The following FRMPD4 variants were observed in gnomAD, a reference collection of about 807,000 sequenced individuals.
The protein encoded by FRMPD4 is FERM and PDZ domain containing 4.
In FRMPD4, 22 loss-of-function variants were observed where a neutral mutation model predicts 94.1. The observed-to-expected ratio is 0.23, with a 90% CI of 0.17 to 0.33. The LOEUF is 0.33. Among genes scored for constraint, FRMPD4 ranks in the 10% least tolerant of loss-of-function variants. The probability of loss-of-function intolerance (pLI) is 1.00; values close to 1 mark genes in which losing one functional copy is unlikely to be tolerated. For synonymous variants in FRMPD4, 631 were observed against 548.6 expected (o/e 1.15, Z -2.10); for missense variants, 1,111 against 1,339.9 (o/e 0.83, Z 2.67).
At chrX:12,679,068 C>T (rs184589840) in intron 5 of FRMPD4, among the ~76,000 whole-genome samples, 2 of 112,424 alleles carry the variant, frequency 1.8e-5, no homozygotes, top group East Asian at 5.6e-4. Context: ...CCCAGTGTAG[C>T]ACATTCTATC....
At chrX:12,150,423 C>T (rs2055832077) in intron 1 of FRMPD4, among the ~76,000 whole-genome samples, 1 of 111,892 alleles carries the variant, frequency 8.9e-6, no homozygotes. Context: ...TATCTGGGCC[C>T]ATATCCTCTC....
intron 3 of FRMPD4, among the ~76,000 whole-genome samples, chrX:12,027,538 T>G (rs1487691991): frequency 6.3e-5 from 7 of 111,880 alleles, no homozygotes; most frequent in Non-Finnish European, 1.3e-4. Context: ...AAGTCAATAC[T>G]CATTCTTCAG....
chrX:11,920,329 T>G (rs1160496755), intron 3 of FRMPD4, among the ~76,000 whole-genome samples: 2 of 112,291 alleles, frequency 1.8e-5, no homozygotes, highest in African/African-American at 6.5e-5. Context: ...AGTGGCCCTA[T>G]TAAATAAATG....
intron 1 of FRMPD4, among the ~76,000 whole-genome samples, chrX:12,449,197 A>C (rs1286239375): frequency 8.9e-6 from 1 of 112,206 alleles, no homozygotes; most frequent in East Asian, 2.8e-4. Flanking sequence ...GGATAAACAA[A>C]TACTGGATTT....
In FRMPD4 at chrX:12,721,506, T is replaced by C. The variant is rs2042239624; in HGVS notation, c.4937T>C (p.Leu1646Ser). 1 of 755,299 alleles carries C rather than the reference T, an allele frequency of 1.3e-6. No homozygotes were observed. The highest frequency in any genetic ancestry group is 2.3e-5 in the African/African-American group (1 of 43,782). The allele number at this position is 755,299 out of a possible 1,213,427, so 62.2% of individuals were successfully genotyped here. The change falls in exon 17 of 17, where the codon TTA (leucine) becomes TCA (serine). Residue 1646 changes from leucine (L) to serine (S), a missense_variant. Leu to Ser is a moderately radical substitution (Grantham distance 145, BLOSUM62 -2). Coordinates refer to ENST00000675598, the MANE Select transcript of FRMPD4 (RefSeq NM_001368397.1). ...ACACTTTCTCAGTACAAGCAACTGT[T>C]ATCCATTGAGTCCAGACAGTTGGGA... ...DLTLSQYKQLLSIESRQLGSA... is the reference protein window; with the variant it reads ...DLTLSQYKQLSSIESRQLGSA...
intron 1 of FRMPD4, among the ~76,000 whole-genome samples, chrX:11,840,645 T>G (rs1400670534): frequency 9.1e-6 from 1 of 110,235 alleles, no homozygotes; most frequent in African/African-American, 3.3e-5. Flanking sequence ...TGTTAAAACT[T>G]TCAGTCTCTA....
At position 12,553,460 on chromosome X, in the gene FRMPD4, A is replaced by ATATATG. The variant is rs1555983267; in HGVS notation, c.158+54669_158+54670insGTATAT. On this transcript the variant is annotated intron_variant, in intron 2 of 16. Transcript: ENST00000675598. ...TATATATATATATATATATATATAT[A>ATATATG]TATATATCTAATCCACTAATTTATT... Among the ~76,000 whole-genome samples the ATATATG allele has an allele frequency of 5.1e-3, 412 of 81,523 alleles. 12 individuals carry two copies. Among genetic ancestry groups the ATATATG allele is most frequent in the African/African-American group, 0.014 (276 of 19,992 alleles). 70.8% of individuals were successfully genotyped at this position (81,523 alleles called of 115,157 possible). A position where few individuals can be genotyped will look rare whatever the true frequency, so the allele number is the denominator to read the frequency against.
At chrX:12,481,966 A>AAAAAAAAAAAAAAAAAAAAAG (rs2057691005) in intron 1 of FRMPD4, among the ~76,000 whole-genome samples, 1 of 100,044 alleles carries the variant, frequency 1.0e-5, no homozygotes, top group Non-Finnish European at 2.0e-5. Context: ...AAAAAAAAAA[A>AAAAAAAAAAAAAAAAAAAAAG]AAAAAGAAAG....
chrX:12,057,721 A>T (rs761783226), intron 3 of FRMPD4, among the ~76,000 whole-genome samples: 22 of 111,396 alleles, frequency 2.0e-4, no homozygotes, highest in Non-Finnish European at 4.1e-4. Context: ...CCTGGGGATC[A>T]CCTTAGAATT....
At chrX:12,253,131 T>C (rs1269720192) in intron 1 of FRMPD4, among the ~76,000 whole-genome samples, 1 of 111,980 alleles carries the variant, frequency 8.9e-6, no homozygotes, top group Non-Finnish European at 1.9e-5. Flanking sequence ...AAATGTTTTT[T>C]GAATACTGGG....
At chrX:12,566,589 A>G (rs1273810595) in intron 2 of FRMPD4, among the ~76,000 whole-genome samples, 2 of 112,428 alleles carry the variant, frequency 1.8e-5, no homozygotes, top group Non-Finnish European at 3.8e-5. Context: ...CATTGTCCCC[A>G]TGTAATTTAA....
rs770083769 is a variant in FRMPD4, at chrX:12,243,602, C to G, written c.41+104590C>G. Reference sequence around the variant, plus strand: ...TTTTATTCACAAAACTGAAGATGCTCTTGTCATTATATAGCATACTAAAGG... The same window carrying G: ...TTTTATTCACAAAACTGAAGATGCTGTTGTCATTATATAGCATACTAAAGG... On this transcript the variant is annotated intron_variant, in intron 1 of 16. Coordinates refer to ENST00000675598, the MANE Select transcript of FRMPD4 (RefSeq NM_001368397.1). Among the ~76,000 whole-genome samples, 15 of 108,725 alleles carry G rather than the reference C, an allele frequency of 1.4e-4. No individual in the cohort carries two copies. The South Asian group carries it at 5.8e-3, about 42-fold the overall frequency. The allele number at this position is 108,725 out of a possible 115,157, so 94.4% of individuals were successfully genotyped here. A position where few individuals can be genotyped will look rare whatever the true frequency, so the allele number is the denominator to read the frequency against.
upstream of FRMPD4, among the ~76,000 whole-genome samples, chrX:12,134,604 C>A (rs1322034177): frequency 8.9e-6 from 1 of 111,997 alleles, no homozygotes; most frequent in Non-Finnish European, 1.9e-5. Flanking sequence ...ATTCCTAACA[C>A]CAGCTTTAGA....
chrX:12,039,790 A>T (rs1246966432), intron 3 of FRMPD4, among the ~76,000 whole-genome samples: 1 of 108,935 alleles, frequency 9.2e-6, no homozygotes, highest in African/African-American at 3.3e-5. Context: ...ACCAACGTGG[A>T]GAAACCCCAT....
intron 1 of FRMPD4, among the ~76,000 whole-genome samples, chrX:12,214,951 ATAAAT>A (rs1462032596): frequency 8.9e-6 from 1 of 112,047 alleles, no homozygotes; most frequent in East Asian, 2.8e-4. Context: ...GTAATTATAC[ATAAAT>A]TAATATTTTA....
chrX:11,843,822 G>A (rs1031415400), intron 1 of FRMPD4, among the ~76,000 whole-genome samples: 1 of 110,697 alleles, frequency 9.0e-6, no homozygotes, highest in Non-Finnish European at 1.9e-5. Context: ...AAGCACTTGG[G>A]ATTTCAGGCA....
intron 2 of FRMPD4, among the ~76,000 whole-genome samples, chrX:12,502,602 G>T (rs976188875): frequency 4.5e-5 from 5 of 111,749 alleles, no homozygotes. Context: ...TTAGATGTAG[G>T]TATAGATGGA....
At chrX:12,039,365 T>C (rs2054739069) in intron 3 of FRMPD4, among the ~76,000 whole-genome samples, 1 of 110,092 alleles carries the variant, frequency 9.1e-6, no homozygotes, top group Non-Finnish European at 1.9e-5. Flanking sequence ...GAGATTTTTA[T>C]TTTTTTAATA....
intron 1 of FRMPD4, among the ~76,000 whole-genome samples, chrX:12,218,566 A>T (rs1482414015): frequency 8.9e-6 from 1 of 112,353 alleles, no homozygotes; most frequent in African/African-American, 3.2e-5. Flanking sequence ...ATTTTTCTCT[A>T]CTTCTAGCAT....
Sources: allele counts gnomAD v4.1 joint callset (sites outside exome capture counted in the v4.1 genomes callset), GRCh38; gene constraint gnomAD v4.1.1; transcripts MANE v1.5; gene names NCBI Gene and HGNC (gene_info 2026-07-23, HGNC 2026-07-21).